Variants in MAP7D1 observed in about 807,000 individuals in gnomAD.
MAP7D1 encodes the protein MAP7 domain containing 1.
A neutral mutation model predicts 97.5 loss-of-function variants in MAP7D1; 30 were observed. The observed-to-expected ratio is 0.31, with a 90% CI of 0.23 to 0.42. The LOEUF is 0.42. Ranked by LOEUF, MAP7D1 falls within the 10% of genes least tolerant of loss-of-function variation. The pLI is 1.00. For synonymous variants in MAP7D1, 536 were observed against 477.1 expected (o/e 1.12, Z -1.61); for missense variants, 1,184 against 1,179.5 (o/e 1.00, Z -0.06).
chr1:36,177,668 A>C, intron 8 of MAP7D1: 1 of 833,850 alleles, frequency 1.2e-6, no homozygotes, highest in Non-Finnish European at 1.9e-6. Context: ...GGGGACATAC[A>C]ATAATCAAAG....
rs1644703852 is a variant in MAP7D1 at position 36,180,625 on chromosome 1, A to T, written c.*367A>T. ...CTTGTGCTCAGACTCCTCTGCGTGG[A>T]GAGGGTGGGTGCAGGAGGCAGACCC... On this transcript the variant is annotated 3_prime_UTR_variant, in exon 17 of 17. Transcript: ENST00000474796. 2 of 312,370 alleles carry T rather than the reference A, an allele frequency of 6.4e-6. No homozygotes were observed. Among genetic ancestry groups the T allele is most frequent in the South Asian group, 6.4e-5 (2 of 31,296 alleles). The allele number at this position is 312,370 out of a possible 1,614,324, so 19.3% of individuals were successfully genotyped here.
rs74066063 is a variant in MAP7D1 at position 36,178,128 on chromosome 1, G to C, written c.1635G>C (p.Pro545=). The stretch of plus-strand genomic sequence containing the variant: ...AGGAGTCAGCAGCCCCAGCCTCACC[G>C]GCACCTTCGCCGGCGCCCTCGCCCA... ...NEKESAAPAS[P]APSPAPSPTP... is the part of the protein sequence containing the mutation. Residue 545 remains proline, a synonymous_variant, in exon 9 of 17, where the codon CCG becomes CCC. Transcript: ENST00000474796. The C allele has an allele frequency of 9.6e-3, 15,310 of 1,590,332 alleles. 1,254 individuals are homozygous for C. The African/African-American group carries it at 0.18, about 19-fold the overall frequency.
At position 36,171,055 on chromosome 1, in the gene MAP7D1, T is replaced by G; in HGVS notation, c.131T>G (p.Val44Gly). 2 of 1,332,432 alleles carry G rather than the reference T, an allele frequency of 1.5e-6. 1 individual carries two copies. The highest frequency in any genetic ancestry group is 4.0e-5 in the Admixed American group (2 of 49,578). 82.5% of individuals were successfully genotyped at this position (1,332,432 alleles called of 1,614,324 possible). The part of the protein sequence containing the change: ...SPPPPPMSAL[V>G]PDTPPDTPPA... The stretch of plus-strand genomic sequence containing the variant: ...CCACCACCACCAATGTCAGCCCTGG[T>G]CCCCGACACTCCCCCGGACACCCCT... Residue 44 changes from valine to glycine, a missense_variant, in exon 2 of 17, where the codon GTC becomes GGC. Val to Gly is a moderately radical substitution (Grantham distance 109). Coordinates refer to ENST00000474796, the MANE Select transcript of MAP7D1 (RefSeq NM_001388490.1).
chr1:36,158,766 T>C (rs1644370213), intron 1 of MAP7D1, among the ~76,000 whole-genome samples: 1 of 152,138 alleles, frequency 6.6e-6, no homozygotes, highest in Non-Finnish European at 1.5e-5. Flanking sequence ...GTATGAAATA[T>C]AGGGGAGGGT....
chr1:36,159,598 A>C lies in MAP7D1; in HGVS notation c.46+3135A>C, dbSNP rs1431773476. Among the ~76,000 whole-genome samples, 1 of 152,192 alleles carries C rather than the reference A, an allele frequency of 6.6e-6. No homozygotes were observed. The highest frequency in any genetic ancestry group is 1.5e-5 in the Non-Finnish European group (1 of 68,040). On this transcript the variant is annotated intron_variant, in intron 1 of 16. Coordinates refer to ENST00000474796, the MANE Select transcript of MAP7D1 (RefSeq NM_001388490.1). This position sits in a 1 kb window ranked among gnomAD's most constrained non-coding sequence, Gnocchi z 5.4. ...TCCAGCACACCCATGCTGATGCCCC[A>C]CCTTATGCCAGCTCGGTGTAGTCTA...
In MAP7D1 at chr1:36,176,733, A is replaced by G; in HGVS notation, c.1270A>G (p.Asn424Asp). The change falls in exon 8 of 17, where the codon AAC becomes GAC. Residue 424 changes from asparagine (N) to aspartate (D), a missense_variant. Physicochemically the swap from Asn to Asp is conservative, Grantham distance 23. Coordinates refer to ENST00000474796, the MANE Select transcript of MAP7D1 (RefSeq NM_001388490.1). The surrounding 1 kb of genome is among the most constrained non-coding windows in gnomAD (Gnocchi z 6.1). ...GGAGAAGAAGGACAAGGAGCGGGAA[A>G]ACGAGAAGGAGAAGAGTGCCCTAGC... ...KKEKKDKERENEKEKSALARE... is the reference protein window; with the variant it reads ...KKEKKDKEREDEKEKSALARE... 6.2e-7 allele frequency: 1 copy of G among 1,604,092 alleles called. No homozygotes were observed. Among genetic ancestry groups the G allele is most frequent in the Non-Finnish European group, 8.5e-7 (1 of 1,175,900 alleles).
chr1:36,177,479 A>T (rs1644643328), intron 8 of MAP7D1: 2 of 463,924 alleles, frequency 4.3e-6, no homozygotes, highest in South Asian at 3.3e-5. Flanking sequence ...ATGTATGATG[A>T]TGCCACTGCA....
chr1:36,171,003 CCTT>C lies in MAP7D1; in HGVS notation c.82_84del (p.Ser28del), dbSNP rs1644534414. 1.3e-6 allele frequency: 2 copies of C among 1,552,368 alleles called. No homozygotes were observed. Among genetic ancestry groups the C allele is most frequent in the Non-Finnish European group, 1.8e-6 (2 of 1,131,408 alleles). On this transcript the variant is annotated inframe_deletion, in exon 2 of 17. Transcript: ENST00000474796. ...CGCCAGGACCCCCCCAGAGCCAAGA[CCTT>C]CTCCAGAAGGTGACCCTTCCCCCCC...
At position 36,176,851 on chromosome 1, in the gene MAP7D1, G is replaced by A. The variant is rs369628138; in HGVS notation, c.1379+9G>A. 24 of 1,583,192 alleles carry A rather than the reference G, an allele frequency of 1.5e-5. No individual in the cohort carries two copies. The East Asian group carries it at 2.1e-4, about 14-fold the overall frequency. On this transcript the variant is annotated intron_variant, in intron 8 of 16. Transcript: ENST00000474796. The surrounding 1 kb of genome is among the most constrained non-coding windows in gnomAD (Gnocchi z 6.1). ...ACCGCCTCTGAGCTCAGGTGGGCGC[G>A]GGCGGTGCGAGGGACCCTGCCCCTC...
intron 6 of MAP7D1, among the ~76,000 whole-genome samples, chr1:36,175,952 G>T (rs1335639210): frequency 6.6e-6 from 1 of 152,220 alleles, no homozygotes; most frequent in African/African-American, 2.4e-5. Context: ...CACCTGGGGA[G>T]CGTTGTAGGC....
At chr1:36,156,671 G>A (rs1030140121) in intron 1 of MAP7D1, among the ~76,000 whole-genome samples, 4 of 150,798 alleles carry the variant, frequency 2.7e-5, no homozygotes, top group Non-Finnish European at 5.9e-5. Context: ...CCCGGGTGCC[G>A]GACGCATCGG....
Position 36,176,376 on chromosome 1 carries a change from T to G in MAP7D1, c.1028T>G (p.Leu343Arg), listed in dbSNP as rs1374102141. 2 of 1,523,586 alleles carry G rather than the reference T, an allele frequency of 1.3e-6. No homozygotes were observed. The highest frequency in any genetic ancestry group is 1.8e-6 in the Non-Finnish European group (2 of 1,140,740). The allele number at this position is 1,523,586 out of a possible 1,614,324, so 94.4% of individuals were successfully genotyped here. ...GPTWGRAGAS[L>R]ARGPQPDRTH... is the part of the protein sequence containing the mutation. The stretch of plus-strand genomic sequence containing the variant: ...ACGTGGGGCCGGGCAGGGGCCAGCC[T>G]GGCGCGCGGGCCGCAACCCGACCGC... The change falls in exon 7 of 17, where the codon CTG becomes CGG. Residue 343 changes from leucine to arginine, a missense_variant. Leu to Arg is a moderately radical substitution (Grantham distance 102). Transcript: ENST00000474796. This position sits in a 1 kb window ranked among gnomAD's most constrained non-coding sequence, Gnocchi z 6.1.
In MAP7D1 at chr1:36,176,637, C is replaced by G. The variant is rs1245609151; in HGVS notation, c.1233+56C>G. 2.5e-6 allele frequency: 4 copies of G among 1,581,168 alleles called. No homozygotes were observed. Among genetic ancestry groups the G allele is most frequent in the African/African-American group, 2.7e-5 (2 of 74,326 alleles). ...GCAGGTGGGGACAGGCAGCCTGGAACTGGGGTACGCGGGCGCTGCTGACCT... is the reference window on the plus strand; with the variant it reads ...GCAGGTGGGGACAGGCAGCCTGGAAGTGGGGTACGCGGGCGCTGCTGACCT... On this transcript the variant is annotated intron_variant, in intron 7 of 16. Coordinates refer to ENST00000474796, the MANE Select transcript of MAP7D1 (RefSeq NM_001388490.1). The surrounding 1 kb of genome is among the most constrained non-coding windows in gnomAD (Gnocchi z 6.1).
rs1203717093 is a variant in MAP7D1, at chr1:36,173,409, G to A, written c.670G>A (p.Ala224Thr). The change falls in exon 5 of 17, where the codon GCC (alanine) becomes ACC (threonine). Residue 224 changes from alanine (A) to threonine (T), a missense_variant. Transcript: ENST00000474796. ...AIQRSVKKTW[A>T]EIRQQRWSWA... ...CCAACGGTCAGTGAAGAAGACGTGG[G>A]CCGAAATCCGGCAGCAGCGCTGGTC... 6.2e-7 allele frequency: 1 copy of A among 1,613,974 alleles called. No individual in the cohort carries two copies. Among genetic ancestry groups the A allele is most frequent in the East Asian group, 2.2e-5 (1 of 44,882 alleles).
chr1:36,169,996 AGGAAC>A (rs1644520079), intron 1 of MAP7D1, among the ~76,000 whole-genome samples: 1 of 152,204 alleles, frequency 6.6e-6, no homozygotes, highest in South Asian at 2.1e-4. Context: ...AGAGACTTAA[AGGAAC>A]TAACTAGACC....
chr1:36,176,683 TC>T lies in MAP7D1; in HGVS notation c.1234-12del. ...GACCTCTACTCTCCTCTTCCGTTCC[TC>T]CTTCCCTGCCAGGTGCAGAAAAAGG... On this transcript the variant is annotated splice_polypyrimidine_tract_variant and intron_variant, in intron 7 of 16. Coordinates refer to ENST00000474796, the MANE Select transcript of MAP7D1 (RefSeq NM_001388490.1). The surrounding 1 kb of genome is among the most constrained non-coding windows in gnomAD (Gnocchi z 6.1). 6.2e-7 allele frequency: 1 copy of T among 1,606,172 alleles called. No homozygotes were observed. Among genetic ancestry groups the T allele is most frequent in the Admixed American group, 1.7e-5 (1 of 58,668 alleles).
chr1:36,173,512 G>C, intron 5 of MAP7D1, 34 bp downstream of exon 5: 1 of 1,503,244 alleles, frequency 6.7e-7, no homozygotes, highest in Non-Finnish European at 9.1e-7. Flanking sequence ...GAGTGGGTGG[G>C]CAAGGCTGGG....
rs1254886661 is a variant in MAP7D1, at chr1:36,177,914, G to C, written c.1421G>C (p.Trp474Ser). 2 of 1,556,624 alleles carry C rather than the reference G, an allele frequency of 1.3e-6. No individual in the cohort carries two copies. The highest frequency in any genetic ancestry group is 1.2e-5 in the South Asian group (1 of 82,852). ...KARPSSPSTSWHRPASPCPSP... is the reference protein window; with the variant it reads ...KARPSSPSTSSHRPASPCPSP... ...AGGCCATCCTCTCCCTCCACATCCT[G>C]GCACAGGCCTGCCTCCCCCTGCCCC... Residue 474 changes from tryptophan to serine, a missense_variant, in exon 9 of 17, where the codon TGG becomes TCG. By Grantham distance (177) the Trp-to-Ser change is radical. Coordinates refer to ENST00000474796, the MANE Select transcript of MAP7D1 (RefSeq NM_001388490.1).
At chr1:36,156,827 C>T (rs573034676) in intron 1 of MAP7D1, among the ~76,000 whole-genome samples, 4 of 152,292 alleles carry the variant, frequency 2.6e-5, no homozygotes, top group African/African-American at 9.6e-5. Flanking sequence ...GCTAGGGCTT[C>T]CGTCCCCTTC....
Sources: gnomAD v4.1 joint callset for allele counts (sites outside exome capture counted in the v4.1 genomes callset) on GRCh38, gnomAD v4.1.1 for gene constraint, Gnocchi (gnomAD v3.1) non-coding constraint, MANE v1.5 for transcripts, NCBI Gene and HGNC (gene_info 2026-07-23, HGNC 2026-07-21) for gene names.